PLCB1: variants seen among roughly 807,000 people sequenced by gnomAD.
PLCB1 encodes the protein phospholipase C beta 1.
Under a neutral mutation model 161.8 loss-of-function variants are expected in PLCB1, and 46 were observed. That is an observed-to-expected ratio of 0.28 (90% CI 0.22 to 0.36). The LOEUF (loss-of-function observed/expected upper bound fraction) is 0.36, where lower values mean the gene tolerates loss of function less well. PLCB1 is among the 10% of genes least tolerant of loss of function. The pLI, the probability that PLCB1 is intolerant of heterozygous loss-of-function variation, is 1.00. For missense variants in PLCB1, 1,016 were observed against 1,472.5 expected, an observed-to-expected ratio of 0.69 and a Z score of 5.07; for synonymous variants, 517 against 503.7, an observed-to-expected ratio of 1.03 and a Z score of -0.35.
intron 2 of PLCB1, among the ~76,000 whole-genome samples, chr20:8,194,504 C>T (rs1309851215): frequency 6.6e-6 from 1 of 151,976 alleles, no homozygotes; most frequent in Non-Finnish European, 1.5e-5. Flanking sequence ...TGCAGAATCT[C>T]AATCATGGAC....
At chr20:8,814,780 G>A (rs8122336) in intron 31 of PLCB1, among the ~76,000 whole-genome samples, 10,496 of 152,232 alleles carry the variant, frequency 0.069, 992 homozygotes, top group African/African-American at 0.21. Context: ...TTTGTATCAT[G>A]TGCACTACTA....
At chr20:8,613,102 T>C (rs1011617534) in intron 3 of PLCB1, among the ~76,000 whole-genome samples, 2 of 152,182 alleles carry the variant, frequency 1.3e-5, no homozygotes, top group African/African-American at 4.8e-5. Flanking sequence ...AATGTGTAAA[T>C]GCTCGTCTCT....
At chr20:8,744,724 G>A (rs1981080383) in intron 23 of PLCB1, among the ~76,000 whole-genome samples, 2 of 151,852 alleles carry the variant, frequency 1.3e-5, no homozygotes, top group Admixed American at 6.6e-5. Context: ...TAGCAATTGA[G>A]CTAAAGGTCT....
intron 2 of PLCB1, among the ~76,000 whole-genome samples, chr20:8,269,090 A>AT (rs200171027): frequency 1.3e-5 from 2 of 151,960 alleles, no homozygotes; most frequent in Non-Finnish European, 2.9e-5. Context: ...TTTTTAAATA[A>AT]TTTTTTTATT....
intron 3 of PLCB1, among the ~76,000 whole-genome samples, chr20:8,548,056 A>ACCTCCCTTCCTACCTTCCTC (rs1296277335): frequency 1.3e-5 from 2 of 148,816 alleles, no homozygotes; most frequent in Non-Finnish European, 3.0e-5. Flanking sequence ...TGGTCCAGGG[A>ACCTCCCTTCCTACCTTCCTC]CCTCCCTTCC....
At chr20:8,720,574 A>G (rs762600516) in intron 14 of PLCB1, among the ~76,000 whole-genome samples, 2 of 151,892 alleles carry the variant, frequency 1.3e-5, no homozygotes, top group Non-Finnish European at 2.9e-5. Context: ...GCCCTTTGCT[A>G]GTAGACTTGT....
chr20:8,814,489 T>C (rs779635791), intron 31 of PLCB1, among the ~76,000 whole-genome samples: 4 of 152,174 alleles, frequency 2.6e-5, no homozygotes, highest in Non-Finnish European at 4.4e-5. Flanking sequence ...CAGGGATTTA[T>C]AAGTAGTGTT....
chr20:8,691,468 G>T (rs1190689866), intron 10 of PLCB1, among the ~76,000 whole-genome samples: 3 of 152,072 alleles, frequency 2.0e-5, no homozygotes, highest in Non-Finnish European at 2.9e-5. Flanking sequence ...AGGAAGGTTA[G>T]CACCTACCGT....
chr20:8,338,959 C>T (rs1985695262), intron 2 of PLCB1, among the ~76,000 whole-genome samples: 2 of 152,122 alleles, frequency 1.3e-5, no homozygotes, highest in Non-Finnish European at 2.9e-5. Context: ...TGAGATTCAT[C>T]CGTGTTGTTC....
At chr20:8,737,436 A>G (rs1166826874) in intron 20 of PLCB1, among the ~76,000 whole-genome samples, 2 of 152,210 alleles carry the variant, frequency 1.3e-5, no homozygotes, top group African/African-American at 4.8e-5. Context: ...CCATAAAAAC[A>G]TATACATTTA....
intron 2 of PLCB1, among the ~76,000 whole-genome samples, chr20:8,173,717 T>C (rs914919412): frequency 1.3e-5 from 2 of 152,104 alleles, no homozygotes; most frequent in African/African-American, 2.4e-5. Flanking sequence ...GCAGCCACCA[T>C]AAAAAATGTT....
intron 9 of PLCB1, among the ~76,000 whole-genome samples, chr20:8,668,537 G>C (rs1323749129): frequency 6.6e-6 from 1 of 152,138 alleles, no homozygotes. Context: ...AGCCAACTTT[G>C]AAAGAAGATT....
At chr20:8,761,310 A>C (rs531379822) in intron 25 of PLCB1, among the ~76,000 whole-genome samples, 1 of 152,364 alleles carries the variant, frequency 6.6e-6, no homozygotes, top group Non-Finnish European at 1.5e-5. Context: ...GACAGGAACC[A>C]AAAAGGAAGG....
In PLCB1 at chr20:8,216,891, G is replaced by C. The variant is rs78082293; in HGVS notation, c.177+66520G>C. Among the ~76,000 whole-genome samples the C allele has an allele frequency of 5.1e-3, 783 of 152,210 alleles. 9 individuals carry two copies. The highest frequency in any genetic ancestry group is 0.017 in the African/African-American group (727 of 41,546). The stretch of plus-strand genomic sequence containing the variant: ...CCCTGGGCAAACCAAAACCAAAATA[G>C]TGGTGTCAACCCACTTCTTTGACAT... On this transcript the variant is annotated intron_variant, in intron 2 of 31. Coordinates refer to ENST00000338037, the MANE Select transcript of PLCB1 (RefSeq NM_015192.4).
At chr20:8,254,012 A>G (rs963337145) in intron 2 of PLCB1, among the ~76,000 whole-genome samples, 1 of 151,930 alleles carries the variant, frequency 6.6e-6, no homozygotes, top group African/African-American at 2.4e-5. Context: ...TTCTTTATCA[A>G]ATCCACCCTT....
chr20:8,538,908 C>G (rs1418980527), intron 3 of PLCB1, among the ~76,000 whole-genome samples: 2 of 151,840 alleles, frequency 1.3e-5, no homozygotes. Flanking sequence ...GTTCTCCTGC[C>G]TCAGCCTTCT....
At chr20:8,604,252 CAAAAAA>C (rs34186286) in intron 3 of PLCB1, among the ~76,000 whole-genome samples, 47 of 51,398 alleles carry the variant, frequency 9.1e-4, no homozygotes, top group African/African-American at 3.7e-3. Context: ...GGCCCTGTCT[CAAAAAA>C]AAAAAAAAAA....
chr20:8,586,210 C>A (rs1191094951), intron 3 of PLCB1, among the ~76,000 whole-genome samples: 1 of 152,208 alleles, frequency 6.6e-6, no homozygotes, highest in African/African-American at 2.4e-5. Context: ...GTTTCATCCT[C>A]AAATATCCCA....
intron 2 of PLCB1, among the ~76,000 whole-genome samples, chr20:8,279,070 T>C (rs1982746429): frequency 1.3e-5 from 2 of 151,902 alleles, no homozygotes; most frequent in African/African-American, 4.8e-5. Context: ...TGTAAAATGG[T>C]CCAGCTGCTG....
Sources: allele counts gnomAD v4.1 joint callset (sites outside exome capture counted in the v4.1 genomes callset), GRCh38; gene constraint gnomAD v4.1.1; transcripts MANE v1.5; gene names NCBI Gene and HGNC (gene_info 2026-07-23, HGNC 2026-07-21).